The following AFF3 variants were observed in gnomAD, a reference collection of about 807,000 sequenced individuals.
AFF3 encodes the protein AF4/FMR2 family member 3.
In AFF3, 32 loss-of-function variants were observed where a neutral mutation model predicts 129.7. The ratio of observed to expected loss-of-function variants is 0.25; its 90% confidence interval spans 0.19 to 0.33. The LOEUF is 0.33. Among genes scored for constraint, AFF3 ranks in the 10% least tolerant of loss-of-function variants. The pLI is 1.00. For synonymous variants in AFF3, 644 were observed against 635.4 expected, an observed-to-expected ratio of 1.01 and a Z score of -0.20; for missense variants, 1,373 against 1,592.0, an observed-to-expected ratio of 0.86 and a Z score of 2.34.
At chr2:100,086,227 G>T (rs2666331) in intron 4 of AFF3, among the ~76,000 whole-genome samples, 9 of 152,234 alleles carry the variant, frequency 5.9e-5, no homozygotes, top group South Asian at 2.1e-4. Context: ...AGTGTCATAA[G>T]AATTCCCATA....
intron 10 of AFF3, among the ~76,000 whole-genome samples, chr2:99,734,197 T>C (rs937976272): frequency 1.3e-5 from 2 of 152,302 alleles, no homozygotes; most frequent in Admixed American, 6.5e-5. Flanking sequence ...ATATTAAAAG[T>C]TTTAAACTAT....
chr2:99,802,175 CA>C (rs1218718489), intron 8 of AFF3, among the ~76,000 whole-genome samples: 1 of 152,142 alleles, frequency 6.6e-6, no homozygotes, highest in Admixed American at 6.5e-5. Flanking sequence ...ACTAAAAACA[CA>C]ATTTAAAATC....
chr2:100,140,346 A>G (rs1160187320), intron 1 of AFF3, among the ~76,000 whole-genome samples: 1 of 152,310 alleles, frequency 6.6e-6, no homozygotes, highest in East Asian at 1.9e-4. Context: ...CCAGCTCCTC[A>G]CCATGCCTTC....
intron 7 of AFF3, among the ~76,000 whole-genome samples, chr2:99,952,804 C>T (rs1407517255): frequency 1.3e-5 from 2 of 152,200 alleles, no homozygotes; most frequent in Non-Finnish European, 2.9e-5. Context: ...CCTGCACCCT[C>T]CTGGTCAGGA....
intron 11 of AFF3, among the ~76,000 whole-genome samples, chr2:99,673,772 T>C (rs1041118770): frequency 6.6e-6 from 1 of 152,186 alleles, no homozygotes; most frequent in Non-Finnish European, 1.5e-5. Flanking sequence ...TGAACATTCG[T>C]AGGAGTCATT....
At chr2:99,606,640 G>A (rs1331919422) in intron 13 of AFF3, among the ~76,000 whole-genome samples, 8 of 151,944 alleles carry the variant, frequency 5.3e-5, no homozygotes, top group Non-Finnish European at 1.0e-4. Flanking sequence ...ACTTCAGGAC[G>A]GGCGCGGTGG....
intron 11 of AFF3, among the ~76,000 whole-genome samples, chr2:99,721,534 A>G (rs1332316910): frequency 6.6e-6 from 1 of 151,684 alleles, no homozygotes; most frequent in African/African-American, 2.4e-5. Context: ...TCTCAAAAAA[A>G]AAAAGAAAAA....
chr2:99,606,655 C>T (rs750493323), intron 13 of AFF3, among the ~76,000 whole-genome samples: 41 of 151,972 alleles, frequency 2.7e-4, no homozygotes, highest in Admixed American at 4.6e-4. Flanking sequence ...CGGTGGCTCA[C>T]GTCTGTAATC....
intron 2 of AFF3, among the ~76,000 whole-genome samples, chr2:100,118,732 T>C (rs570796141): frequency 6.6e-6 from 1 of 152,266 alleles, no homozygotes; most frequent in Non-Finnish European, 1.5e-5. Flanking sequence ...CTTAGCACTG[T>C]TTATGCTGTA....
At chr2:100,130,685 G>A (rs937827923) in intron 1 of AFF3, among the ~76,000 whole-genome samples, 7 of 152,170 alleles carry the variant, frequency 4.6e-5, no homozygotes, top group African/African-American at 1.7e-4. Flanking sequence ...TCTTTTAGGA[G>A]GTTTGTGAGC....
intron 16 of AFF3, among the ~76,000 whole-genome samples, chr2:99,584,868 A>G (rs1677938728): frequency 6.6e-6 from 1 of 152,244 alleles, no homozygotes; most frequent in Non-Finnish European, 1.5e-5. Context: ...CACTAAAGTC[A>G]CTTCGAAAAG....
intron 8 of AFF3, among the ~76,000 whole-genome samples, chr2:99,809,143 A>T (rs1686591282): frequency 6.6e-6 from 1 of 152,252 alleles, no homozygotes; most frequent in African/African-American, 2.4e-5. Flanking sequence ...CCTTGACTTT[A>T]AAAAATTTTC....
chr2:100,104,607 C>A, intron 3 of AFF3, 89 bp from the exon 4 acceptor site: 1 of 950,526 alleles, frequency 1.1e-6, no homozygotes, highest in Non-Finnish European at 1.2e-6. Flanking sequence ...TCGGGGCTCC[C>A]GACGCCCCCC....
At chr2:99,554,181 T>G (rs1293991853) in intron 24 of AFF3, 130 bp downstream of exon 24, 5 of 968,300 alleles carry the variant, frequency 5.2e-6, no homozygotes, top group Admixed American at 2.2e-5. Context: ...AGAAAATGCC[T>G]GATATAATGT....
intron 12 of AFF3, among the ~76,000 whole-genome samples, chr2:99,652,087 G>A (rs374436949): frequency 4.6e-5 from 7 of 152,274 alleles, no homozygotes; most frequent in South Asian, 2.1e-4. Context: ...ACCATGAGCC[G>A]GTGTCAGTAC....
intron 7 of AFF3, among the ~76,000 whole-genome samples, chr2:99,918,034 G>GA (rs150305097): frequency 0.15 from 22,234 of 152,024 alleles, 2,073 homozygotes; most frequent in East Asian, 0.25. Flanking sequence ...TAAGGTAAAA[G>GA]AAAAAACCTT....
intron 7 of AFF3, among the ~76,000 whole-genome samples, chr2:99,893,638 A>AT (rs1335269394): frequency 1.4e-4 from 21 of 152,228 alleles, no homozygotes. Context: ...TTCGGGGAAA[A>AT]TAAGTTCCCC....
Position 99,744,117 on chromosome 2 carries a change from T to G in AFF3, c.1026A>C (p.Gly342=), listed in dbSNP as rs1232115948. The G allele has an allele frequency of 3.1e-6, 5 of 1,608,058 alleles. No homozygotes were observed. In the African/African-American group the frequency reaches 5.4e-5, roughly 17 times the overall value. The change falls in exon 10 of 25, where the codon GGA becomes GGC. Residue 342 remains glycine, a synonymous_variant. Coordinates refer to ENST00000672756, the MANE Select transcript of AFF3 (RefSeq NM_001386135.1). ...PNKDSQLVSS[G]HNNPKKGDAE... Reference sequence around the variant, plus strand: ...AGTCTTTCTTACTTGGATTATTGTGTCCAGAGGATACAAGCTGAGAGTCCT... The same window carrying G: ...AGTCTTTCTTACTTGGATTATTGTGGCCAGAGGATACAAGCTGAGAGTCCT...
chr2:99,726,416 T>G (rs1275787438), intron 11 of AFF3, among the ~76,000 whole-genome samples: 2 of 152,242 alleles, frequency 1.3e-5, no homozygotes, highest in African/African-American at 4.8e-5. Context: ...AAACCTGTTA[T>G]TGACTCTTAT....
Sources: gnomAD v4.1 joint callset for allele counts (sites outside exome capture counted in the v4.1 genomes callset) on GRCh38, gnomAD v4.1.1 for gene constraint, MANE v1.5 for transcripts, NCBI Gene and HGNC (gene_info 2026-07-23, HGNC 2026-07-21) for gene names.